The following NCALD variants were observed in gnomAD, a reference collection of about 807,000 sequenced individuals.
NCALD encodes the protein neurocalcin-delta.
In NCALD, 10 loss-of-function variants were observed where a neutral mutation model predicts 18.6. The ratio of observed to expected loss-of-function variants is 0.54; its 90% confidence interval spans 0.33 to 0.91. NCALD has a LOEUF of 0.91. NCALD is among the 40% of genes least tolerant of loss of function. NCALD has a pLI of 0.03. For missense variants in NCALD, 184 were observed against 247.6 expected, an observed-to-expected ratio of 0.74 and a Z score of 1.72; for synonymous variants, 88 against 87.4, an observed-to-expected ratio of 1.01 and a Z score of -0.04.
At chr8:101,702,678 A>G (rs1027741526) in intron 2 of NCALD, among the ~76,000 whole-genome samples, 2 of 152,248 alleles carry the variant, frequency 1.3e-5, no homozygotes, top group Admixed American at 6.5e-5. Context: ...TAGCCTTAAC[A>G]TGGGAAGAAC....
chr8:101,804,573 T>A (rs555348820), intron 4 of NCALD, among the ~76,000 whole-genome samples: 2 of 122,234 alleles, frequency 1.6e-5, no homozygotes, highest in South Asian at 4.7e-4. Flanking sequence ...ATATAATTAA[T>A]ATAATTAATT....
intron 2 of NCALD, among the ~76,000 whole-genome samples, chr8:101,709,881 C>A (rs775133729): frequency 6.6e-6 from 1 of 152,158 alleles, no homozygotes; most frequent in Non-Finnish European, 1.5e-5. Context: ...CTGATCTGGC[C>A]TAAGATTCCT....
chr8:101,739,756 G>A (rs1162793067), intron 1 of NCALD, among the ~76,000 whole-genome samples: 25 of 152,126 alleles, frequency 1.6e-4, no homozygotes, highest in East Asian at 3.8e-4. Flanking sequence ...GTGCACTGTC[G>A]GCTTCCCTAC....
intron 1 of NCALD, among the ~76,000 whole-genome samples, chr8:102,074,215 A>G (rs1250348546): frequency 6.6e-6 from 1 of 152,180 alleles, no homozygotes; most frequent in African/African-American, 2.4e-5. Context: ...GGAAAAAATC[A>G]CCCAATCATC....
intron 1 of NCALD, among the ~76,000 whole-genome samples, chr8:101,769,979 C>G (rs1811516061): frequency 6.6e-6 from 1 of 152,212 alleles, no homozygotes; most frequent in African/African-American, 2.4e-5. Flanking sequence ...CTAACATGAA[C>G]AAAGATCATT....
chr8:101,708,465 T>C (rs1815633211), intron 2 of NCALD, among the ~76,000 whole-genome samples: 1 of 152,222 alleles, frequency 6.6e-6, no homozygotes, highest in African/African-American at 2.4e-5. Context: ...TCCATTGAAG[T>C]GGAAGTGAAC....
intron 2 of NCALD, among the ~76,000 whole-genome samples, chr8:102,008,474 TAA>T (rs34867950): frequency 4.7e-4 from 63 of 133,224 alleles, no homozygotes; most frequent in Admixed American, 5.3e-4. Context: ...TAAAGGCAGT[TAA>T]AAAAAAAAAA....
chr8:101,700,994 T>A (rs1815239611), intron 2 of NCALD, among the ~76,000 whole-genome samples: 1 of 152,070 alleles, frequency 6.6e-6, no homozygotes. Context: ...GACACTCAGA[T>A]CAGATGGGAA....
chr8:101,755,004 C>T (rs1810815701), intron 1 of NCALD, among the ~76,000 whole-genome samples: 1 of 152,208 alleles, frequency 6.6e-6, no homozygotes, highest in Admixed American at 6.5e-5. Flanking sequence ...CAGTGCCCTT[C>T]CTAGCACATC....
chr8:102,066,442 C>T (rs1400880699), intron 1 of NCALD, among the ~76,000 whole-genome samples: 2 of 152,140 alleles, frequency 1.3e-5, no homozygotes, highest in East Asian at 1.9e-4. Flanking sequence ...TGCTCACAGT[C>T]GGCACTCACT....
At chr8:101,818,158 A>G (rs1813574017) in intron 4 of NCALD, among the ~76,000 whole-genome samples, 1 of 152,238 alleles carries the variant, frequency 6.6e-6, no homozygotes, top group African/African-American at 2.4e-5. Flanking sequence ...ATGCTTAAAA[A>G]TAAAACTTCC....
intron 1 of NCALD, among the ~76,000 whole-genome samples, chr8:102,080,580 T>C (rs1824494774): frequency 6.6e-6 from 1 of 152,132 alleles, no homozygotes; most frequent in Admixed American, 6.6e-5. Flanking sequence ...TAACAGGTGT[T>C]CCCACTCATC....
chr8:101,689,383 T>C lies in NCALD; in HGVS notation c.508A>G (p.Ile170Val), dbSNP rs61732857. ...GACGGGTCGCTTTTGGCTCCTCGGA[T>C]GAACTCTTCCAGGGAGAGTTTTCCT... The part of the protein sequence containing the change: ...RDGKLSLEEF[I>V]RGAKSDPSIV... The change falls in exon 4 of 4, where the codon ATC becomes GTC. Residue 170 changes from isoleucine to valine, a missense_variant. Transcript: ENST00000220931. This position sits in a 1 kb window ranked among gnomAD's most constrained non-coding sequence, Gnocchi z 4.4. 528 of 1,610,896 alleles carry C rather than the reference T, an allele frequency of 3.3e-4. 1 individual carries two copies. In the African/African-American group the frequency reaches 6.3e-3, roughly 19 times the overall value.
chr8:101,852,100 T>A (rs1372989337), intron 4 of NCALD, among the ~76,000 whole-genome samples: 1 of 152,164 alleles, frequency 6.6e-6, no homozygotes, highest in Non-Finnish European at 1.5e-5. Flanking sequence ...CCAGCCTCCA[T>A]AACCATGAGC....
At chr8:101,999,800 C>T (rs1279480138) in intron 2 of NCALD, among the ~76,000 whole-genome samples, 6 of 151,242 alleles carry the variant, frequency 4.0e-5, no homozygotes, top group Non-Finnish European at 7.4e-5. Context: ...AAAAAAAAAT[C>T]GAAAAACATT....
intron 1 of NCALD, among the ~76,000 whole-genome samples, chr8:101,738,396 TA>T (rs1431500656): frequency 6.6e-6 from 1 of 151,714 alleles, no homozygotes; most frequent in Non-Finnish European, 1.5e-5. Flanking sequence ...ATACAAAAAT[TA>T]GCTGGGCGTG....
rs79275088 is a variant in NCALD at position 101,961,099 on chromosome 8, C to A, written c.-156-45241G>T. 3.9e-3 allele frequency among the ~76,000 whole-genome samples: 596 copies of A among 152,170 alleles called. 1 individual carries two copies. Among genetic ancestry groups the A allele is most frequent in the Non-Finnish European group, 6.6e-3 (450 of 67,990 alleles). ...TGAGTGCCGTAATGCTGATTGTATC[C>A]CTAGTACCTCGGACAGTGGCTGGCA... is the stretch of plus-strand genomic sequence containing the variant. On this transcript the variant is annotated intron_variant, in intron 2 of 6. Coordinates refer to the NCALD transcript ENST00000311028.
intron 4 of NCALD, among the ~76,000 whole-genome samples, chr8:101,800,991 G>T (rs1490775531): frequency 6.9e-6 from 1 of 145,464 alleles, no homozygotes; most frequent in Non-Finnish European, 1.5e-5. Flanking sequence ...GAGGGGAGAA[G>T]AGGAAGGAAA....
intron 1 of NCALD, among the ~76,000 whole-genome samples, chr8:102,033,284 C>T (rs1052393658): frequency 6.6e-6 from 1 of 152,124 alleles, no homozygotes; most frequent in African/African-American, 2.4e-5. Flanking sequence ...CTACTGAAGG[C>T]TCAATTGTCA....
Sources: allele counts gnomAD v4.1 joint callset (sites outside exome capture counted in the v4.1 genomes callset), GRCh38; gene constraint gnomAD v4.1.1; non-coding constraint Gnocchi (gnomAD v3.1); transcripts MANE v1.5; gene names NCBI Gene and HGNC (gene_info 2026-07-23, HGNC 2026-07-21).